The following MRPS17 variants were observed in gnomAD, a reference collection of about 807,000 sequenced individuals.
MRPS17 encodes the protein mitochondrial ribosomal protein S17.
A neutral mutation model predicts 11.3 loss-of-function variants in MRPS17; 6 were observed. The ratio of observed to expected loss-of-function variants is 0.53; its 90% CI spans 0.29 to 1.05. The LOEUF (loss-of-function observed/expected upper bound fraction) is 1.05, where lower values mean the gene tolerates loss of function less well. Among genes scored for constraint, MRPS17 ranks in the 50% least tolerant of loss-of-function variants. MRPS17 has a pLI of 0.08. For missense variants in MRPS17, 139 were observed against 153.6 expected, an observed-to-expected ratio of 0.90 and a Z score of 0.50; for synonymous variants, 56 against 60.4, an observed-to-expected ratio of 0.93 and a Z score of 0.34.
In MRPS17 at chr7:55,954,992, A is replaced by T. The variant is rs139990112; in HGVS notation, c.207A>T (p.Leu69Phe). The change falls in exon 3 of 3, where the codon TTA becomes TTT. Residue 69 changes from leucine (L) to phenylalanine (F), a missense_variant. Coordinates refer to ENST00000285298, the MANE Select transcript of MRPS17 (RefSeq NM_015969.3). Reference sequence around the variant, plus strand: ...GGGATATTGTGCTTCTCAGAGCTTTACCTGTTCCACGAGCAAAGCATGTGA... The same window carrying T: ...GGGATATTGTGCTTCTCAGAGCTTTTCCTGTTCCACGAGCAAAGCATGTGA... The part of the protein sequence containing the change: ...TVGDIVLLRA[L>F]PVPRAKHVKH... 300 of 1,614,170 alleles carry T rather than the reference A, an allele frequency of 1.9e-4. 1 individual carries two copies. The African/African-American group carries it at 3.1e-3, about 17-fold the overall frequency.
At position 55,955,120 on chromosome 7, in the gene MRPS17, C is replaced by T. The variant is rs144949580; in HGVS notation, c.335C>T (p.Ser112Leu). The T allele has an allele frequency of 3.4e-4, 547 of 1,614,136 alleles. 2 individuals carry two copies. The highest frequency in any genetic ancestry group is 7.7e-4 in the South Asian group (70 of 91,078). Residue 112 changes from serine to leucine, a missense_variant, in exon 3 of 3, where the codon TCG becomes TTG. Transcript: ENST00000285298. ...ACCTACCTGGAGAGTCCGTTGAGTT[C>T]GGAAACCACCCAGCTAAGCAAAAAT... ...GTTYLESPLS[S>L]ETTQLSKNLE...
chr7:55,951,916 A>T lies in MRPS17; in HGVS notation c.-32A>T, dbSNP rs949526079. On this transcript the variant is annotated 5_prime_UTR_variant, in exon 1 of 3. Transcript: ENST00000285298. The stretch of plus-strand genomic sequence containing the variant: ...GGCGCTCCCCGGGGCAGGTGGCTGC[A>T]TAGTCTTGGCGGAGGTGAGTCTCGT... The T allele has an allele frequency of 6.6e-6, 1 of 152,630 alleles. No homozygotes were observed. Among genetic ancestry groups the T allele is most frequent in the African/African-American group, 2.4e-5 (1 of 41,472 alleles). 9.5% of individuals were successfully genotyped at this position (152,630 alleles called of 1,614,324 possible). A position where few individuals can be genotyped will look rare whatever the true frequency, so the allele number is the denominator to read the frequency against.
chr7:55,955,025 A>G lies in MRPS17; in HGVS notation c.240A>G (p.Glu80=), dbSNP rs1199919511. 20 of 1,614,054 alleles carry G rather than the reference A, an allele frequency of 1.2e-5. No individual in the cohort carries two copies. Among genetic ancestry groups the G allele is most frequent in the Non-Finnish European group, 1.7e-5 (20 of 1,180,048 alleles). Reference sequence around the variant, plus strand: ...CACGAGCAAAGCATGTGAAACATGAACTGGCTGAGATCGTTTTCAAAGTTG... The same window carrying G: ...CACGAGCAAAGCATGTGAAACATGAGCTGGCTGAGATCGTTTTCAAAGTTG... ...PVPRAKHVKH[E]LAEIVFKVGK... The change falls in exon 3 of 3, where the codon GAA becomes GAG. Residue 80 remains glutamate (E), a synonymous_variant. Transcript: ENST00000285298.
chr7:55,952,599 G>A (rs1211818625), intron 1 of MRPS17, among the ~76,000 whole-genome samples: 1 of 152,044 alleles, frequency 6.6e-6, no homozygotes, highest in Non-Finnish European at 1.5e-5. Flanking sequence ...GCTCGGCGTG[G>A]TGGTGCGGGC....
At position 55,955,778 on chromosome 7, in the gene MRPS17, CTTTTGAGACAGGG is replaced by C. The variant is rs540651627; in HGVS notation, c.*606_*618del. On this transcript the variant is annotated 3_prime_UTR_variant, in exon 3 of 3. Transcript: ENST00000285298. Reference sequence around the variant, plus strand: ...CTGTTTTAGAAGGTTTTATTTTTGTCTTTTGAGACAGGGTTTTGCTTTGTTGTGGGGGCTGGAG... The same window carrying C: ...CTGTTTTAGAAGGTTTTATTTTTGTCTTTTGCTTTGTTGTGGGGGCTGGAG... The C allele has an allele frequency of 2.1e-4, 31 of 150,330 alleles. No homozygotes were observed. The South Asian group carries it at 6.5e-3, about 32-fold the overall frequency. 9.3% of individuals were successfully genotyped at this position (150,330 alleles called of 1,614,324 possible). A position where few individuals can be genotyped will look rare whatever the true frequency, so the allele number is the denominator to read the frequency against.
chr7:55,953,686 G>T (rs952023057), intron 2 of MRPS17, among the ~76,000 whole-genome samples: 4 of 152,192 alleles, frequency 2.6e-5, no homozygotes, highest in Non-Finnish European at 4.4e-5. Context: ...GCTGGGCATA[G>T]TGGTGCGCAC....
At position 55,954,898 on chromosome 7, in the gene MRPS17, T is replaced by A. The variant is rs1786703788; in HGVS notation, c.124-11T>A. Reference sequence around the variant, plus strand: ...GGAACTACTGATTTGCTTCTCTCCCTCTCTCAACAGTATTTTAATAAGCGG... The same window carrying A: ...GGAACTACTGATTTGCTTCTCTCCCACTCTCAACAGTATTTTAATAAGCGG... On this transcript the variant is annotated splice_polypyrimidine_tract_variant and intron_variant, in intron 2 of 2. Coordinates refer to ENST00000285298, the MANE Select transcript of MRPS17 (RefSeq NM_015969.3). 1.1e-5 allele frequency: 17 copies of A among 1,610,088 alleles called. No homozygotes were observed. Among genetic ancestry groups the A allele is most frequent in the Non-Finnish European group, 1.4e-5 (16 of 1,177,084 alleles).
At chr7:55,954,623 C>T (rs1423650660) in intron 2 of MRPS17, among the ~76,000 whole-genome samples, 1 of 152,108 alleles carries the variant, frequency 6.6e-6, no homozygotes, top group Non-Finnish European at 1.5e-5. Flanking sequence ...ATTCCAGCTA[C>T]TTGGGAGGCT....
rs35194140 is a variant in MRPS17, at chr7:55,955,600, ATT to A, written c.*440_*441del. The A allele has an allele frequency of 7.8e-3, 1,063 of 137,020 alleles. No homozygotes were observed. The highest frequency in any genetic ancestry group is 0.017 in the South Asian group (73 of 4,406). 8.5% of individuals were successfully genotyped at this position (137,020 alleles called of 1,614,324 possible). A position where few individuals can be genotyped will look rare whatever the true frequency, so the allele number is the denominator to read the frequency against. The stretch of plus-strand genomic sequence containing the variant: ...AGGCGCCTGCCACCATGCCCAGCTA[ATT>A]TTTTTTTTTTTTTTTTTGGTATTTT... On this transcript the variant is annotated 3_prime_UTR_variant, in exon 3 of 3. Coordinates refer to ENST00000285298, the MANE Select transcript of MRPS17 (RefSeq NM_015969.3).
intron 2 of MRPS17, among the ~76,000 whole-genome samples, chr7:55,954,165 A>G (rs1786693877): frequency 1.3e-5 from 2 of 152,152 alleles, no homozygotes; most frequent in African/African-American, 2.4e-5. Flanking sequence ...TTCAGGAAGG[A>G]CAGAGTCATT....
Position 55,955,026 on chromosome 7 carries a change from C to T in MRPS17, c.241C>T (p.Leu81=). The change falls in exon 3 of 3, where the codon CTG becomes TTG. Residue 81 remains leucine (L), a synonymous_variant. Transcript: ENST00000285298. ...ACGAGCAAAGCATGTGAAACATGAA[C>T]TGGCTGAGATCGTTTTCAAAGTTGG... ...VPRAKHVKHE[L]AEIVFKVGKV... 1.9e-6 allele frequency: 3 copies of T among 1,614,124 alleles called. No homozygotes were observed. Among genetic ancestry groups the T allele is most frequent in the Non-Finnish European group, 2.5e-6 (3 of 1,180,026 alleles).
At position 55,954,974 on chromosome 7, in the gene MRPS17, T is replaced by C. The variant is rs1280417987; in HGVS notation, c.189T>C (p.Ile63=). ...TTCAGCAGTGCACAGTTGGGGATAT[T>C]GTGCTTCTCAGAGCTTTACCTGTTC... The part of the protein sequence containing the change: ...DALQQCTVGD[I]VLLRALPVPR... Residue 63 remains isoleucine, a synonymous_variant, in exon 3 of 3, where the codon ATT becomes ATC. Transcript: ENST00000285298. The C allele has an allele frequency of 6.2e-7, 1 of 1,614,076 alleles. No individual in the cohort carries two copies. Among genetic ancestry groups the C allele is most frequent in the Non-Finnish European group, 8.5e-7 (1 of 1,180,050 alleles).
intron 2 of MRPS17, 78 bp downstream of exon 2, chr7:55,953,396 C>A: frequency 6.4e-7 from 1 of 1,567,342 alleles, no homozygotes; most frequent in Non-Finnish European, 8.6e-7. Flanking sequence ...AAACATTTAT[C>A]TCTCAGTAAA....
chr7:55,954,945 G>T lies in MRPS17; in HGVS notation c.160G>T (p.Ala54Ser). The change falls in exon 3 of 3, where the codon GCC becomes TCC. Residue 54 changes from alanine to serine, a missense_variant. Ala to Ser is a moderately conservative substitution (Grantham distance 99). Coordinates refer to ENST00000285298, the MANE Select transcript of MRPS17 (RefSeq NM_015969.3). ...NKRKTYFAHD[A>S]LQQCTVGDIV... is the part of the protein sequence containing the mutation. ...GCGGAAAACCTACTTTGCTCACGAT[G>T]CCCTTCAGCAGTGCACAGTTGGGGA... The T allele has an allele frequency of 6.2e-7, 1 of 1,614,086 alleles. No individual in the cohort carries two copies. Among genetic ancestry groups the T allele is most frequent in the Non-Finnish European group, 8.5e-7 (1 of 1,179,972 alleles).
rs145162978 is a variant in MRPS17, at chr7:55,955,067, A to G, written c.282A>G (p.Pro94=). The G allele has an allele frequency of 8.1e-3, 13,022 of 1,614,214 alleles. 78 individuals are homozygous for G. Among genetic ancestry groups the G allele is most frequent in the Non-Finnish European group, 0.01 (11,860 of 1,180,028 alleles). ...TCAAAGTTGGAAAAGTCATAGATCCAGTGACAGGAAAGCCCTGTGCTGGAA... is the reference window on the plus strand; with the variant it reads ...TCAAAGTTGGAAAAGTCATAGATCCGGTGACAGGAAAGCCCTGTGCTGGAA... ...IVFKVGKVID[P]VTGKPCAGTT... The change falls in exon 3 of 3, where the codon CCA becomes CCG. Residue 94 remains proline, a synonymous_variant. Coordinates refer to ENST00000285298, the MANE Select transcript of MRPS17 (RefSeq NM_015969.3).
Position 55,955,945 on chromosome 7 carries a change from T to C in MRPS17, c.*767T>C, listed in dbSNP as rs570080914. ...CACTTGGCTGATTTTTTGTAAATTT[T>C]GTAGAGACAGGGTCTCCCTGTGTTG... On this transcript the variant is annotated 3_prime_UTR_variant, in exon 3 of 3. Transcript: ENST00000285298. The C allele has an allele frequency of 1.3e-5, 2 of 151,944 alleles. 1 individual carries two copies. The highest frequency in any genetic ancestry group is 4.2e-4 in the South Asian group (2 of 4,806). The allele number at this position is 151,944 out of a possible 1,614,324, so 9.4% of individuals were successfully genotyped here.
Position 55,953,262 on chromosome 7 carries a change from C to G in MRPS17, c.67C>G (p.Gln23Glu), listed in dbSNP as rs1285896426. The G allele has an allele frequency of 1.9e-6, 3 of 1,614,122 alleles. No individual in the cohort carries two copies. Among genetic ancestry groups the G allele is most frequent in the Non-Finnish European group, 2.5e-6 (3 of 1,180,014 alleles). The change falls in exon 2 of 3, where the codon CAA becomes GAA. Residue 23 changes from glutamine (Q) to glutamate (E), a missense_variant. Physicochemically the swap from Gln to Glu is conservative, Grantham distance 29. Transcript: ENST00000285298. ...GGGGAAGGTGATTGGGACAAAAATG[C>G]AAAAGACTGCTAAAGTGAGAGTGAC... is the stretch of plus-strand genomic sequence containing the variant. ...IVGKVIGTKM[Q>E]KTAKVRVTRL...
intron 2 of MRPS17, 61 bp from the exon 3 acceptor site, chr7:55,954,848 A>G (rs1786703005): frequency 6.4e-7 from 1 of 1,560,332 alleles, no homozygotes; most frequent in African/African-American, 1.4e-5. Context: ...TTCATATTAC[A>G]TATTACATTA....
intron 2 of MRPS17, 139 bp from the exon 3 acceptor site, chr7:55,954,770 T>G (rs1786702133): frequency 9.7e-7 from 1 of 1,025,818 alleles, no homozygotes; most frequent in South Asian, 1.6e-5. Context: ...GCTCTAATTT[T>G]TGTACTAGAA....
Sources: allele counts gnomAD v4.1 joint callset (sites outside exome capture counted in the v4.1 genomes callset), GRCh38; gene constraint gnomAD v4.1.1; transcripts MANE v1.5; gene names NCBI Gene and HGNC (gene_info 2026-07-23, HGNC 2026-07-21).